The following PXDNL variants were observed in gnomAD, a reference collection of about 807,000 sequenced individuals.
PXDNL encodes the protein peroxidasin like.
A neutral mutation model predicts 150.8 loss-of-function variants in PXDNL; 145 were observed. The observed-to-expected ratio is 0.96, with a 90% CI of 0.84 to 1.10. PXDNL has a LOEUF of 1.10. Among genes scored for constraint, PXDNL ranks in the 50% least tolerant of loss-of-function variants. The probability of loss-of-function intolerance (pLI) is 0.00; values close to 1 mark genes in which losing one functional copy is unlikely to be tolerated. For synonymous variants in PXDNL, 757 were observed against 725.7 expected, an observed-to-expected ratio of 1.04 and a Z score of -0.69; for missense variants, 2,087 against 1,873.9, an observed-to-expected ratio of 1.11 and a Z score of -2.10.
chr8:51,413,069 A>C (rs1050401335), intron 15 of PXDNL, 81 bp downstream of exon 15: 1 of 840,784 alleles, frequency 1.2e-6, no homozygotes, highest in Admixed American at 2.0e-5. Flanking sequence ...TATGCACTAT[A>C]ATGTGACTTA....
At chr8:51,557,432 A>G (rs1030365401) in intron 3 of PXDNL, among the ~76,000 whole-genome samples, 3 of 152,100 alleles carry the variant, frequency 2.0e-5, no homozygotes, top group African/African-American at 7.2e-5. Flanking sequence ...GATACAACTA[A>G]TCTTTACCAA....
At chr8:51,527,302 C>G (rs767809931) in intron 4 of PXDNL, among the ~76,000 whole-genome samples, 1 of 152,122 alleles carries the variant, frequency 6.6e-6, no homozygotes, top group Admixed American at 6.5e-5. Flanking sequence ...CCCTACCTGC[C>G]GTGTTTTCAT....
intron 12 of PXDNL, among the ~76,000 whole-genome samples, chr8:51,431,724 T>C (rs930548452): frequency 6.6e-6 from 1 of 152,168 alleles, no homozygotes; most frequent in Non-Finnish European, 1.5e-5. Context: ...ACCACCTTAG[T>C]TCTAAATTAG....
intron 8 of PXDNL, among the ~76,000 whole-genome samples, chr8:51,466,757 A>G (rs1008464325): frequency 1.3e-5 from 2 of 152,226 alleles, no homozygotes; most frequent in African/African-American, 4.8e-5. Context: ...CACTTCCCAC[A>G]GGAAGGCACA....
intron 17 of PXDNL, among the ~76,000 whole-genome samples, chr8:51,402,904 TACACACACACACAC>T (rs55768775): frequency 9.6e-5 from 14 of 146,170 alleles, no homozygotes; most frequent in African/African-American, 1.8e-4. Context: ...CTACTAAAAA[TACACACACACACAC>T]ACACACACAC....
intron 12 of PXDNL, chr8:51,435,716 G>T (rs551880092): frequency 3.1e-6 from 1 of 325,706 alleles, no homozygotes; most frequent in Non-Finnish European, 6.2e-6. Context: ...CGCAGAGGAG[G>T]TGGAAGAAGA....
At chr8:51,369,976 G>C (rs1383301162) in intron 19 of PXDNL, among the ~76,000 whole-genome samples, 2 of 152,194 alleles carry the variant, frequency 1.3e-5, no homozygotes, top group Admixed American at 6.5e-5. Context: ...AACTGCCCTT[G>C]GTGGGGGCCT....
intron 1 of PXDNL, among the ~76,000 whole-genome samples, chr8:51,711,956 A>G (rs926534821): frequency 6.6e-6 from 1 of 152,240 alleles, no homozygotes; most frequent in Non-Finnish European, 1.5e-5. Context: ...AAGTATTGCC[A>G]AAGAAGAAGT....
chr8:51,763,361 C>T (rs1202871622), intron 1 of PXDNL, among the ~76,000 whole-genome samples: 2 of 151,878 alleles, frequency 1.3e-5, no homozygotes, highest in East Asian at 1.9e-4. Context: ...GTATGACCTT[C>T]CTGGGGCATT....
At chr8:51,652,382 C>G (rs1300021299) in intron 2 of PXDNL, among the ~76,000 whole-genome samples, 2 of 144,238 alleles carry the variant, frequency 1.4e-5, no homozygotes, top group Non-Finnish European at 3.0e-5. Context: ...ACAGAAATCT[C>G]TCTCTCTCTC....
chr8:51,749,505 C>T (rs765642069), intron 1 of PXDNL, among the ~76,000 whole-genome samples: 8 of 152,070 alleles, frequency 5.3e-5, no homozygotes, highest in Non-Finnish European at 7.4e-5. Context: ...AGAAAAGGTA[C>T]AGTAAAAATA....
At chr8:51,475,207 A>C in intron 6 of PXDNL, 66 bp from the exon 7 acceptor site, 1 of 1,458,842 alleles carries the variant, frequency 6.9e-7, no homozygotes, top group Non-Finnish European at 9.4e-7. Context: ...GAATCTTTTG[A>C]GTGGTAATAT....
chr8:51,560,716 G>A (rs1358867938), intron 3 of PXDNL, among the ~76,000 whole-genome samples: 2 of 151,860 alleles, frequency 1.3e-5, no homozygotes, highest in African/African-American at 2.4e-5. Flanking sequence ...ATGACCTTGG[G>A]TTTGGCAAAT....
At chr8:51,404,049 T>G (rs1332418166) in intron 17 of PXDNL, among the ~76,000 whole-genome samples, 1 of 152,194 alleles carries the variant, frequency 6.6e-6, no homozygotes, top group Non-Finnish European at 1.5e-5. Flanking sequence ...CTGGAGTTAC[T>G]AGATCCTCCT....
chr8:51,756,830 T>C (rs532555996), intron 1 of PXDNL, among the ~76,000 whole-genome samples: 5 of 152,324 alleles, frequency 3.3e-5, no homozygotes, highest in Non-Finnish European at 7.3e-5. Flanking sequence ...TCAGACATTC[T>C]AGCTTCAAAT....
At chr8:51,790,332 C>T (rs575672165) in intron 1 of PXDNL, among the ~76,000 whole-genome samples, 1 of 152,230 alleles carries the variant, frequency 6.6e-6, no homozygotes, top group Admixed American at 6.5e-5. Flanking sequence ...GGATTTCCTC[C>T]ACCACAAAGT....
At chr8:51,378,273 A>C (rs1430684208) in intron 17 of PXDNL, among the ~76,000 whole-genome samples, 2 of 151,962 alleles carry the variant, frequency 1.3e-5, no homozygotes, top group African/African-American at 4.8e-5. Flanking sequence ...GGGATTGTAA[A>C]TACACCAATC....
At chr8:51,579,228 A>G (rs932108713) in intron 3 of PXDNL, among the ~76,000 whole-genome samples, 3 of 152,064 alleles carry the variant, frequency 2.0e-5, no homozygotes, top group Non-Finnish European at 4.4e-5. Context: ...ACTAATCTCC[A>G]GAATATATAA....
chr8:51,604,477 C>T (rs1283458975), intron 2 of PXDNL, among the ~76,000 whole-genome samples: 1 of 152,066 alleles, frequency 6.6e-6, no homozygotes, highest in African/African-American at 2.4e-5. Context: ...GGAAGGGGAA[C>T]ATCACACACT....
Sources: allele counts gnomAD v4.1 joint callset (sites outside exome capture counted in the v4.1 genomes callset), GRCh38; gene constraint gnomAD v4.1.1; transcripts MANE v1.5; gene names NCBI Gene and HGNC (gene_info 2026-07-23, HGNC 2026-07-21).